Variants in TSKS observed in about 807,000 individuals in gnomAD.
TSKS encodes testis specific serine kinase substrate.
TSKS carries 27 observed loss-of-function variants against 68.0 expected under a neutral mutation model. That is an observed-to-expected ratio of 0.40 (90% CI 0.29 to 0.55). The LOEUF is 0.55. Ranked by LOEUF, TSKS falls within the 20% of genes least tolerant of loss-of-function variation. TSKS has a pLI of 0.53. For synonymous variants in TSKS, 331 were observed against 340.4 expected (o/e 0.97, Z 0.30); for missense variants, 806 against 776.0 (o/e 1.04, Z -0.46).
intron 2 of TSKS, among the ~76,000 whole-genome samples, chr19:49,752,712 A>C (rs1246557587): frequency 6.6e-6 from 1 of 152,244 alleles, no homozygotes; most frequent in Non-Finnish European, 1.5e-5. Context: ...AATAAAAAGC[A>C]AAAAATCTTA....
At chr19:49,759,326 G>A (rs1178857979) in intron 2 of TSKS, among the ~76,000 whole-genome samples, 2 of 151,506 alleles carry the variant, frequency 1.3e-5, no homozygotes, top group Non-Finnish European at 2.9e-5. Flanking sequence ...AAAATTAGCC[G>A]GGCGTGGTGG....
Position 49,762,248 on chromosome 19 carries a change from A to T in TSKS, c.171-16T>A. 1.2e-6 allele frequency: 2 copies of T among 1,608,142 alleles called. No homozygotes were observed. Among genetic ancestry groups the T allele is most frequent in the Non-Finnish European group, 1.7e-6 (2 of 1,176,340 alleles). On this transcript the variant is annotated splice_polypyrimidine_tract_variant and intron_variant, in intron 1 of 10. Transcript: ENST00000246801. Reference sequence around the variant, plus strand: ...GGGCTCCACCCTGCAGAGAAGAAACAGGCAGAAAAGTGGAGAAGCAGCCCC... The same window carrying T: ...GGGCTCCACCCTGCAGAGAAGAAACTGGCAGAAAAGTGGAGAAGCAGCCCC...
chr19:49,749,983 C>A (rs1436523276), intron 2 of TSKS, among the ~76,000 whole-genome samples: 3 of 151,752 alleles, frequency 2.0e-5, no homozygotes, highest in East Asian at 3.9e-4. Flanking sequence ...GAATTATAGT[C>A]AATTTCTGAG....
chr19:49,743,439 A>C (rs1199140340), intron 8 of TSKS, among the ~76,000 whole-genome samples: 4 of 150,962 alleles, frequency 2.6e-5, no homozygotes, highest in East Asian at 2.0e-4. Context: ...GCTGGAGTGC[A>C]GTAGCGTGAT....
rs1371849552 is a variant in TSKS at position 49,739,803 on chromosome 19, T to G, written c.1752A>C (p.Lys584Asn). ...GGGSSAGTPP[K>N]QGGSAPEQ ...ATTGTTCAGGGGCTGAGCCCCCCTG[T>G]TTTGGGGGGGTTCCTGCACTGCTGC... Residue 584 changes from lysine (K) to asparagine (N), a missense_variant, in exon 11 of 11, where the codon AAA becomes AAC. Lys to Asn is a moderately conservative substitution (Grantham distance 94). Coordinates refer to ENST00000246801, the MANE Select transcript of TSKS (RefSeq NM_021733.2). The G allele has an allele frequency of 3.2e-6, 5 of 1,546,846 alleles. No homozygotes were observed. The highest frequency in any genetic ancestry group is 4.5e-6 in the Non-Finnish European group (5 of 1,120,288).
In TSKS at chr19:49,762,160, G is replaced by T. The variant is rs370173923; in HGVS notation, c.243C>A (p.Asn81Lys). 2 of 1,614,138 alleles carry T rather than the reference G, an allele frequency of 1.2e-6. No individual in the cohort carries two copies. Among genetic ancestry groups the T allele is most frequent in the Admixed American group, 3.3e-5 (2 of 60,008 alleles). The change falls in exon 2 of 11, where the codon AAC (asparagine) becomes AAA (lysine). Residue 81 changes from asparagine to lysine, a missense_variant. Transcript: ENST00000246801. ...LNLKRSSACTNVSLLNLAAME... is the reference protein window; with the variant it reads ...LNLKRSSACTKVSLLNLAAME... ...TGGCGGCCAGGTTGAGCAGTGACACGTTGGTGCAGGCCGAGGACCGTTTGA... is the reference window on the plus strand; with the variant it reads ...TGGCGGCCAGGTTGAGCAGTGACACTTTGGTGCAGGCCGAGGACCGTTTGA...
chr19:49,755,868 G>A (rs968526097), intron 2 of TSKS, among the ~76,000 whole-genome samples: 6 of 152,158 alleles, frequency 3.9e-5, no homozygotes, highest in South Asian at 4.2e-4. Flanking sequence ...TGGCGCGGTG[G>A]TAGGCACCTG....
chr19:49,759,742 G>A (rs10403659), intron 2 of TSKS, among the ~76,000 whole-genome samples: 1 of 151,688 alleles, frequency 6.6e-6, no homozygotes. Flanking sequence ...GGTCAAGGTG[G>A]AAAGATCGCT....
In TSKS at chr19:49,749,065, G is replaced by GA. The variant is rs140446292; in HGVS notation, c.400-597dup. Among the ~76,000 whole-genome samples the GA allele has an allele frequency of 5.5e-3, 802 of 146,602 alleles. 30 individuals carry two copies. The East Asian group carries it at 0.11, about 19-fold the overall frequency. The stretch of plus-strand genomic sequence containing the variant: ...GCGACAGAGCGAGTCTCCGTCTAAA[G>GA]AAAAAAAAAAGTCCTTGGGGTCCAC... On this transcript the variant is annotated intron_variant, in intron 2 of 10. Transcript: ENST00000246801.
intron 2 of TSKS, among the ~76,000 whole-genome samples, chr19:49,757,469 T>C (rs1218850643): frequency 6.6e-6 from 1 of 152,192 alleles, no homozygotes; most frequent in Non-Finnish European, 1.5e-5. Flanking sequence ...TTGGGTTTCC[T>C]GTGGGTAATT....
intron 10 of TSKS, 44 bp downstream of exon 10, chr19:49,740,015 C>T: frequency 1.2e-6 from 2 of 1,612,972 alleles, no homozygotes; most frequent in Non-Finnish European, 1.7e-6. Flanking sequence ...GGCCCTTTCC[C>T]CAAGATCTCA....
chr19:49,745,218 C>T lies in TSKS; in HGVS notation c.1171G>A (p.Asp391Asn), dbSNP rs1284150923. ...AATCCTCACATGGTGCACAGCTCAT[C>T]CGCCCGACCTCGCAGCTCCTGCAAG... is the stretch of plus-strand genomic sequence containing the variant. ...RDLQELRGRADELCTMVERSA... is the reference protein window; with the variant it reads ...RDLQELRGRANELCTMVERSA... Residue 391 changes from aspartate (D) to asparagine (N), a missense_variant, in exon 7 of 11, where the codon GAT becomes AAT. Transcript: ENST00000246801. The T allele has an allele frequency of 2.5e-6, 4 of 1,602,896 alleles. No individual in the cohort carries two copies. The highest frequency in any genetic ancestry group is 1.3e-5 in the African/African-American group (1 of 74,902).
intron 1 of TSKS, among the ~76,000 whole-genome samples, 181 bp from the exon 2 acceptor site, chr19:49,762,413 T>TTTTC (rs1367029446): frequency 6.8e-6 from 1 of 146,072 alleles, no homozygotes. Context: ...TTTCTTTCTT[T>TTTTC]TTTCTTTCTT....
chr19:49,749,161 A>G (rs961593071), intron 2 of TSKS, among the ~76,000 whole-genome samples: 1 of 152,194 alleles, frequency 6.6e-6, no homozygotes, highest in Non-Finnish European at 1.5e-5. Context: ...AAAGGAAGCC[A>G]CTTTTCAGAT....
At chr19:49,740,411 T>A (rs1354208679) in intron 9 of TSKS, 9 of 552,672 alleles carry the variant, frequency 1.6e-5, no homozygotes, top group Non-Finnish European at 2.9e-5. Flanking sequence ...TGTCCCATGA[T>A]GCACTGACCT....
chr19:49,748,043 C>T (rs1600191690), intron 4 of TSKS, 42 bp downstream of exon 4: 1 of 1,580,492 alleles, frequency 6.3e-7, no homozygotes, highest in African/African-American at 1.3e-5. Context: ...TTCTTACTCC[C>T]ATTCCCCTCT....
At chr19:49,755,241 TGAA>T (rs1246586101) in intron 2 of TSKS, among the ~76,000 whole-genome samples, 2 of 151,768 alleles carry the variant, frequency 1.3e-5, no homozygotes, top group East Asian at 3.9e-4. Flanking sequence ...ACAAAAAGAA[TGAA>T]GAAGAATGAA....
chr19:49,746,835 C>A, intron 5 of TSKS, 37 bp from the exon 6 acceptor site: 2 of 1,581,566 alleles, frequency 1.3e-6, no homozygotes, highest in Non-Finnish European at 1.7e-6. Context: ...CAGCGTCCAG[C>A]CGCTTTCCTC....
At chr19:49,760,418 T>G (rs1489088385) in intron 2 of TSKS, among the ~76,000 whole-genome samples, 3 of 151,320 alleles carry the variant, frequency 2.0e-5, no homozygotes, top group Non-Finnish European at 4.4e-5. Context: ...CCTCCCGGGT[T>G]CAAGCAATTC....
Sources: allele counts gnomAD v4.1 joint callset (sites outside exome capture counted in the v4.1 genomes callset), GRCh38; gene constraint gnomAD v4.1.1; transcripts MANE v1.5; gene names NCBI Gene and HGNC (gene_info 2026-07-23, HGNC 2026-07-21).